Variants in USP34 observed in about 807,000 individuals in gnomAD.
USP34 encodes ubiquitin carboxyl-terminal hydrolase 34.
In USP34, 70 loss-of-function variants were observed where a neutral mutation model predicts 460.3. The observed-to-expected ratio is 0.15, with a 90% confidence interval of 0.13 to 0.19. The LOEUF (loss-of-function observed/expected upper bound fraction) is 0.19, where lower values mean the gene tolerates loss of function less well. Ranked by LOEUF, USP34 falls within the 10% of genes least tolerant of loss-of-function variation. The probability of loss-of-function intolerance (pLI) is 1.00; values close to 1 mark genes in which losing one functional copy is unlikely to be tolerated. For synonymous variants in USP34, 1,647 were observed against 1,405.3 expected, an observed-to-expected ratio of 1.17 and a Z score of -3.85; for missense variants, 3,985 against 4,236.2, an observed-to-expected ratio of 0.94 and a Z score of 1.65.
At chr2:61,205,940 G>A in intron 72 of USP34, 77 bp downstream of exon 72, 1 of 1,119,456 alleles carries the variant, frequency 8.9e-7, no homozygotes, top group Non-Finnish European at 1.3e-6. Flanking sequence ...AACACTACAG[G>A]CTTAACATCA....
Position 61,188,481 on chromosome 2 carries a change from G to C in USP34, c.10262C>G (p.Ser3421Cys), listed in dbSNP as rs780959079. The change falls in exon 80 of 80, where the codon TCT becomes TGT. Residue 3421 changes from serine to cysteine, a missense_variant. This residue lies in a region of USP34 where 506 missense variants were observed against 439.0 expected (regional missense o/e 1.15). Transcript: ENST00000398571. ...ATTTGACATGTCTTCTGAAAACGAA[G>C]ATGGAACTTCCATTCGGTATTCTTT... ...SVKEYRMEVPSSFSEDMSNIR... is the reference protein window; with the variant it reads ...SVKEYRMEVPCSFSEDMSNIR... 3.2e-5 allele frequency: 51 copies of C among 1,614,106 alleles called. No homozygotes were observed. Among genetic ancestry groups the C allele is most frequent in the Middle Eastern group, 1.6e-4 (1 of 6,084 alleles).
chr2:61,360,932 G>A (rs1309784784), intron 10 of USP34, among the ~76,000 whole-genome samples: 3 of 152,086 alleles, frequency 2.0e-5, no homozygotes, highest in Non-Finnish European at 2.9e-5. Context: ...CAAAGTGCTG[G>A]GATTAATAGG....
In USP34 at chr2:61,417,923, T is replaced by A. The variant is rs1459543015; in HGVS notation, c.131+2823A>T. Among the ~76,000 whole-genome samples, 4 of 150,986 alleles carry A rather than the reference T, an allele frequency of 2.6e-5. No homozygotes were observed. In the East Asian group the frequency reaches 7.8e-4, roughly 29 times the overall value. On this transcript the variant is annotated intron_variant, in intron 2 of 79. Transcript: ENST00000398571. ...GCCTGGCTAATTTTTGTATTTTTAGTAGAGACAGGGTTTCACCGTGTTGAC... is the reference window on the plus strand; with the variant it reads ...GCCTGGCTAATTTTTGTATTTTTAGAAGAGACAGGGTTTCACCGTGTTGAC...
intron 27 of USP34, among the ~76,000 whole-genome samples, chr2:61,304,625 A>G (rs1485302320): frequency 6.6e-6 from 1 of 152,236 alleles, no homozygotes; most frequent in African/African-American, 2.4e-5. Context: ...AGCACTATCT[A>G]TGAGAAAGCT....
At chr2:61,269,812 A>T (rs1035323744) in intron 41 of USP34, among the ~76,000 whole-genome samples, 19 of 152,158 alleles carry the variant, frequency 1.2e-4, no homozygotes, top group Admixed American at 5.2e-4. Flanking sequence ...TATATATATT[A>T]ATGGAATATA....
chr2:61,300,547 C>CA lies in USP34; in HGVS notation c.4128+403dup, dbSNP rs370858908. Among the ~76,000 whole-genome samples, 301 of 150,732 alleles carry CA rather than the reference C, an allele frequency of 2.0e-3. 1 individual carries two copies. The highest frequency in any genetic ancestry group is 0.01 in the Middle Eastern group (3 of 292). On this transcript the variant is annotated intron_variant, in intron 29 of 79. Transcript: ENST00000398571. ...GCACGGTGGCTCATGCCTGTAATCC[C>CA]AGCACTTTGGGAGGCTGACATGGGT... is the stretch of plus-strand genomic sequence containing the variant.
At chr2:61,280,786 T>A (rs1689512574) in intron 38 of USP34, among the ~76,000 whole-genome samples, 1 of 152,180 alleles carries the variant, frequency 6.6e-6, no homozygotes, top group Non-Finnish European at 1.5e-5. Flanking sequence ...GAGAGCTCCA[T>A]TTATGATTTT....
chr2:61,276,800 TA>T (rs368432220), intron 41 of USP34, among the ~76,000 whole-genome samples: 6 of 152,306 alleles, frequency 3.9e-5, no homozygotes, highest in African/African-American at 1.4e-4. Context: ...TTTTGTGCAT[TA>T]GGGGAAGTAG....
rs373362288 is a variant in USP34 at position 61,416,698 on chromosome 2, C to T, written c.131+4048G>A. On this transcript the variant is annotated intron_variant, in intron 2 of 79. Coordinates refer to ENST00000398571, the MANE Select transcript of USP34 (RefSeq NM_014709.4). The stretch of plus-strand genomic sequence containing the variant: ...TTAGTCTTGAATTTATTCTCCTATT[C>T]CTTTCTCTTCCCATTTTCTGAGTTA... Among the ~76,000 whole-genome samples the T allele has an allele frequency of 9.8e-3, 1,497 of 152,110 alleles. 30 individuals are homozygous for T. Among genetic ancestry groups the T allele is most frequent in the South Asian group, 0.049 (235 of 4,820 alleles).
intron 2 of USP34, among the ~76,000 whole-genome samples, chr2:61,412,470 C>G (rs185668616): frequency 1.3e-5 from 2 of 151,956 alleles, no homozygotes; most frequent in African/African-American, 4.8e-5. Flanking sequence ...ATATCATATA[C>G]CTTTTGTATA....
intron 1 of USP34, among the ~76,000 whole-genome samples, chr2:61,447,289 AAC>A (rs1695149391): frequency 6.6e-6 from 1 of 151,088 alleles, no homozygotes; most frequent in Non-Finnish European, 1.5e-5. Flanking sequence ...AAAACCAGAA[AAC>A]ATATATAATT....
intron 32 of USP34, among the ~76,000 whole-genome samples, chr2:61,294,271 G>A (rs1689953384): frequency 6.6e-6 from 1 of 151,084 alleles, no homozygotes; most frequent in African/African-American, 2.4e-5. Context: ...GCGTGAACCT[G>A]GGAGGCGGAG....
At chr2:61,261,122 A>G (rs1572880125) in intron 43 of USP34, among the ~76,000 whole-genome samples, 3 of 152,218 alleles carry the variant, frequency 2.0e-5, no homozygotes, top group African/African-American at 7.2e-5. Context: ...AACTAAACAC[A>G]CAATTCCCAT....
chr2:61,188,656 GCTC>G lies in USP34; in HGVS notation c.10084_10086del (p.Glu3362del), dbSNP rs767093513. On this transcript the variant is annotated inframe_deletion, in exon 80 of 80. Transcript: ENST00000398571. ...TCACTGATGCAGCTGTCTACAGTGT[GCTC>G]CTCATCACTGCTAACACGCCGCCTT... 1.7e-5 allele frequency: 28 copies of G among 1,614,164 alleles called. No individual in the cohort carries two copies. Among genetic ancestry groups the G allele is most frequent in the African/African-American group, 8.0e-5 (6 of 75,012 alleles).
chr2:61,440,204 T>C (rs1031397160), intron 1 of USP34, among the ~76,000 whole-genome samples: 10 of 152,118 alleles, frequency 6.6e-5, no homozygotes, highest in Non-Finnish European at 1.2e-4. Context: ...CATCAGCCTC[T>C]TCCTCCTGGC....
At chr2:61,359,408 T>C (rs901185396) in intron 10 of USP34, among the ~76,000 whole-genome samples, 1 of 152,114 alleles carries the variant, frequency 6.6e-6, no homozygotes, top group African/African-American at 2.4e-5. Flanking sequence ...AGAATAAAGT[T>C]TAATCTTTAC....
intron 1 of USP34, among the ~76,000 whole-genome samples, chr2:61,441,394 A>C (rs1325744363): frequency 6.6e-6 from 1 of 152,068 alleles, no homozygotes; most frequent in Non-Finnish European, 1.5e-5. Context: ...GAAAGGCAGT[A>C]AATTTTGGAG....
intron 1 of USP34, among the ~76,000 whole-genome samples, chr2:61,451,719 C>A (rs1695283415): frequency 6.6e-6 from 1 of 151,788 alleles, no homozygotes; most frequent in East Asian, 1.9e-4. Context: ...CCAGACAGAC[C>A]TGGCATTTCA....
Position 61,248,532 on chromosome 2 carries a change from C to A in USP34, c.6373G>T (p.Gly2125Ter). 6.4e-7 allele frequency: 1 copy of A among 1,565,822 alleles called. No homozygotes were observed. Among genetic ancestry groups the A allele is most frequent in the South Asian group, 1.2e-5 (1 of 83,236 alleles). Residue 2125 changes from glycine to a stop codon, truncating the protein, a stop_gained, in exon 49 of 80, where the codon GGA (glycine) becomes TGA (stop). Coordinates refer to ENST00000398571, the MANE Select transcript of USP34 (RefSeq NM_014709.4). LOFTEE classifies it high-confidence loss of function. ...TCACCTTCTTTCCTCTCACTCTTTCCCATAAGAAAATCTTCTGTATAGGGC... is the reference window on the plus strand; with the variant it reads ...TCACCTTCTTTCCTCTCACTCTTTCACATAAGAAAATCTTCTGTATAGGGC... ...MTPYTEDFLMGKSERKEGFKE... is the reference protein window; with the variant it reads ...MTPYTEDFLM
Sources: allele counts gnomAD v4.1 joint callset (sites outside exome capture counted in the v4.1 genomes callset), GRCh38; gene constraint gnomAD v4.1.1; regional missense constraint gnomAD v4.1.1; transcripts MANE v1.5; gene names NCBI Gene and HGNC (gene_info 2026-07-23, HGNC 2026-07-21).